Variants in EPHA3 observed in about 807,000 individuals in gnomAD.
The protein encoded by EPHA3 is ephrin type-A receptor 3.
A neutral mutation model predicts 107.1 loss-of-function variants in EPHA3; 42 were observed. The ratio of observed to expected loss-of-function variants is 0.39; its 90% CI spans 0.31 to 0.51. EPHA3 has a LOEUF of 0.51. EPHA3 is among the 20% of genes least tolerant of loss of function. The pLI is 0.78. For missense variants in EPHA3, 1,183 were observed against 1,211.2 expected (o/e 0.98, Z 0.35); for synonymous variants, 461 against 424.8 (o/e 1.09, Z -1.05).
chr3:89,157,013 G>A (rs1341715819), intron 2 of EPHA3, among the ~76,000 whole-genome samples: 2 of 152,022 alleles, frequency 1.3e-5, no homozygotes, highest in Non-Finnish European at 2.9e-5. Context: ...GGATAATGTG[G>A]CAGAAACAAG....
intron 5 of EPHA3, among the ~76,000 whole-genome samples, chr3:89,391,354 A>C (rs1708728157): frequency 6.6e-6 from 1 of 150,566 alleles, no homozygotes; most frequent in African/African-American, 2.4e-5. Flanking sequence ...TCTTAGTCTT[A>C]ACTATTTTTT....
intron 2 of EPHA3, among the ~76,000 whole-genome samples, chr3:89,198,393 A>T (rs1205583802): frequency 6.6e-6 from 1 of 151,056 alleles, no homozygotes; most frequent in African/African-American, 2.5e-5. Flanking sequence ...ATTAAATCAT[A>T]CTCTATTGAA....
intron 3 of EPHA3, among the ~76,000 whole-genome samples, chr3:89,293,488 C>T (rs756644763): frequency 6.6e-6 from 1 of 152,020 alleles, no homozygotes. Context: ...CTCCATACAC[C>T]CTCTGTGATA....
chr3:89,412,099 G>T (rs1490302733), intron 9 of EPHA3, among the ~76,000 whole-genome samples: 2 of 151,746 alleles, frequency 1.3e-5, no homozygotes, highest in African/African-American at 4.8e-5. Flanking sequence ...TTTAATTTTA[G>T]ATCATATTTA....
intron 2 of EPHA3, 123 bp from the exon 3 acceptor site, chr3:89,209,737 A>T (rs1706221923): frequency 1.2e-6 from 1 of 845,114 alleles, no homozygotes; most frequent in South Asian, 2.5e-5. Flanking sequence ...AAAAACTACA[A>T]ACAAGAATGT....
chr3:89,157,330 G>A (rs1314735898), intron 2 of EPHA3, among the ~76,000 whole-genome samples: 3 of 151,832 alleles, frequency 2.0e-5, no homozygotes, highest in Non-Finnish European at 2.9e-5. Flanking sequence ...AATTTTCTAG[G>A]ATCGCCAAAT....
intron 2 of EPHA3, among the ~76,000 whole-genome samples, chr3:89,195,217 C>CT (rs1260029484): frequency 6.6e-6 from 1 of 151,990 alleles, no homozygotes; most frequent in East Asian, 1.9e-4. Context: ...TTTTGCTCCT[C>CT]TTCTTTGCAT....
At chr3:89,251,860 G>C (rs999640134) in intron 3 of EPHA3, among the ~76,000 whole-genome samples, 1 of 151,990 alleles carries the variant, frequency 6.6e-6, no homozygotes, top group Non-Finnish European at 1.5e-5. Context: ...AATATAATGA[G>C]GCATTTTACC....
chr3:89,176,474 G>A (rs1705322179), intron 2 of EPHA3, among the ~76,000 whole-genome samples: 1 of 147,060 alleles, frequency 6.8e-6, no homozygotes, highest in Non-Finnish European at 1.5e-5. Context: ...TCCACCCTGG[G>A]TGACAGAGCA....
In EPHA3 at chr3:89,364,296, T is replaced by C. The variant is rs1708148882; in HGVS notation, c.1306+22206T>C. Reference sequence around the variant, plus strand: ...CAGTGATTTTTGAAACCAGAATTGCTTAAAATATCATTCAGAGGCCTTTCA... The same window carrying C: ...CAGTGATTTTTGAAACCAGAATTGCCTAAAATATCATTCAGAGGCCTTTCA... On this transcript the variant is annotated intron_variant, in intron 5 of 16. Coordinates refer to ENST00000336596, the MANE Select transcript of EPHA3 (RefSeq NM_005233.6). Among the ~76,000 whole-genome samples the C allele has an allele frequency of 1.3e-5, 2 of 150,918 alleles. 1 individual carries two copies. Among genetic ancestry groups the C allele is most frequent in the Non-Finnish European group, 3.0e-5 (2 of 67,390 alleles).
At chr3:89,136,194 T>C (rs1182472080) in intron 2 of EPHA3, among the ~76,000 whole-genome samples, 1 of 152,022 alleles carries the variant, frequency 6.6e-6, no homozygotes, top group African/African-American at 2.4e-5. Flanking sequence ...TTTTGACATA[T>C]GTGATATGTG....
intron 13 of EPHA3, 124 bp downstream of exon 13, chr3:89,431,483 A>G (rs1356395957): frequency 3.0e-6 from 2 of 657,420 alleles, no homozygotes; most frequent in South Asian, 2.6e-5. Flanking sequence ...AATAGAAAAC[A>G]TATCTTAAAA....
At chr3:89,141,060 G>A (rs1704421579) in intron 2 of EPHA3, among the ~76,000 whole-genome samples, 1 of 151,564 alleles carries the variant, frequency 6.6e-6, no homozygotes, top group Non-Finnish European at 1.5e-5. Context: ...CACAAATCTA[G>A]TAAGTAAAAA....
chr3:89,386,223 A>G (rs2107491910), intron 5 of EPHA3, among the ~76,000 whole-genome samples: 1 of 152,340 alleles, frequency 6.6e-6, no homozygotes, highest in South Asian at 2.1e-4. Context: ...GCCAAATATT[A>G]ATTGCCAAGA....
At chr3:89,478,817 A>AAT (rs1710569768) in intron 16 of EPHA3, among the ~76,000 whole-genome samples, 1 of 152,204 alleles carries the variant, frequency 6.6e-6, no homozygotes, top group Non-Finnish European at 1.5e-5. Flanking sequence ...CTGCCACAAG[A>AAT]AGTTACCACA....
intron 3 of EPHA3, among the ~76,000 whole-genome samples, chr3:89,335,232 G>A (rs1311926937): frequency 1.3e-5 from 2 of 152,086 alleles, no homozygotes; most frequent in Non-Finnish European, 2.9e-5. Context: ...CAGCATATTC[G>A]GTGTCTGGTG....
intron 1 of EPHA3, among the ~76,000 whole-genome samples, chr3:89,116,728 A>T (rs1276011691): frequency 1.6e-4 from 24 of 151,872 alleles, no homozygotes; most frequent in Non-Finnish European, 1.9e-4. Context: ...TTAAAAAAAA[A>T]AAAAAAAAAA....
intron 13 of EPHA3, among the ~76,000 whole-genome samples, chr3:89,440,636 T>C (rs993122552): frequency 2.6e-5 from 4 of 152,214 alleles, no homozygotes; most frequent in Non-Finnish European, 5.9e-5. Flanking sequence ...GGGAACTGAA[T>C]TGCAGAATCT....
chr3:89,245,807 C>T (rs1479806727), intron 3 of EPHA3, among the ~76,000 whole-genome samples: 1 of 152,180 alleles, frequency 6.6e-6, no homozygotes, highest in Non-Finnish European at 1.5e-5. Flanking sequence ...GATTTTGCCT[C>T]AGGTTAAAAG....
Sources: gnomAD v4.1 joint callset for allele counts (sites outside exome capture counted in the v4.1 genomes callset) on GRCh38, gnomAD v4.1.1 for gene constraint, MANE v1.5 for transcripts, NCBI Gene and HGNC (gene_info 2026-07-23, HGNC 2026-07-21) for gene names.